PIP5K1B: variants seen among roughly 807,000 people sequenced by gnomAD.
PIP5K1B encodes the protein phosphatidylinositol-4-phosphate 5-kinase type 1 beta.
Under a neutral mutation model 67.0 loss-of-function variants are expected in PIP5K1B, and 42 were observed. The ratio of observed to expected loss-of-function variants is 0.63; its 90% CI spans 0.49 to 0.81. The LOEUF (loss-of-function observed/expected upper bound fraction) is 0.81. Ranked by LOEUF, PIP5K1B falls within the 30% of genes least tolerant of loss-of-function variation. The pLI, the probability that PIP5K1B is intolerant of heterozygous loss-of-function variation, is 0.00. For synonymous variants in PIP5K1B, 214 were observed against 231.4 expected (o/e 0.92, Z 0.68); for missense variants, 459 against 646.3 (o/e 0.71, Z 3.14).
intron 1 of PIP5K1B, among the ~76,000 whole-genome samples, chr9:68,710,404 C>T (rs1351181327): frequency 1.3e-5 from 2 of 152,086 alleles, no homozygotes; most frequent in Non-Finnish European, 2.9e-5. Flanking sequence ...CAACTTTAAA[C>T]TTAATTTATG....
chr9:68,953,683 G>GAC (rs1381381548), intron 14 of PIP5K1B, among the ~76,000 whole-genome samples: 1 of 151,912 alleles, frequency 6.6e-6, no homozygotes, highest in Non-Finnish European at 1.5e-5. Flanking sequence ...CAAGTGCAGT[G>GAC]ACACACCTGT....
intron 1 of PIP5K1B, among the ~76,000 whole-genome samples, chr9:68,708,525 T>C (rs1293769414): frequency 7.0e-6 from 1 of 143,414 alleles, no homozygotes. Flanking sequence ...ATCTATGTTA[T>C]GCTCTTTTGT....
At chr9:68,715,414 C>CT (rs1827586247) in intron 1 of PIP5K1B, among the ~76,000 whole-genome samples, 1 of 152,180 alleles carries the variant, frequency 6.6e-6, no homozygotes, top group African/African-American at 2.4e-5. Context: ...CTGAGCCACA[C>CT]TTGCAACTGC....
intron 11 of PIP5K1B, among the ~76,000 whole-genome samples, chr9:68,921,606 G>C (rs111757976): frequency 2.6e-5 from 4 of 151,928 alleles, no homozygotes; most frequent in African/African-American, 9.7e-5. Context: ...CCAACACTTT[G>C]GGGGGAGACC....
At chr9:68,986,257 T>C (rs2132923191) in intron 14 of PIP5K1B, among the ~76,000 whole-genome samples, 1 of 152,336 alleles carries the variant, frequency 6.6e-6, no homozygotes, top group South Asian at 2.1e-4. Flanking sequence ...ACAAGTTTAA[T>C]TTTTCTGATT....
At chr9:68,734,908 G>GC (rs1301427528) in intron 1 of PIP5K1B, among the ~76,000 whole-genome samples, 2 of 152,204 alleles carry the variant, frequency 1.3e-5, no homozygotes, top group East Asian at 3.8e-4. Context: ...ACTGGAAAAG[G>GC]CAATAGGAGG....
At chr9:68,764,710 T>C (rs954437981) in intron 2 of PIP5K1B, among the ~76,000 whole-genome samples, 1 of 152,106 alleles carries the variant, frequency 6.6e-6, no homozygotes, top group African/African-American at 2.4e-5. Flanking sequence ...GTAATAATGC[T>C]AGCAAAGACA....
intron 2 of PIP5K1B, among the ~76,000 whole-genome samples, chr9:68,773,441 T>C (rs2132429494): frequency 6.6e-6 from 1 of 152,324 alleles, no homozygotes; most frequent in South Asian, 2.1e-4. Flanking sequence ...TCTATTCTAT[T>C]CAAAAGACTT....
intron 4 of PIP5K1B, among the ~76,000 whole-genome samples, chr9:68,860,624 C>T (rs1222869929): frequency 6.6e-6 from 1 of 152,204 alleles, no homozygotes; most frequent in South Asian, 2.1e-4. Context: ...TTTGCAAACA[C>T]TGATATGGAG....
At chr9:68,829,088 C>A (rs1189852150) in intron 4 of PIP5K1B, among the ~76,000 whole-genome samples, 2 of 152,198 alleles carry the variant, frequency 1.3e-5, no homozygotes, top group African/African-American at 4.8e-5. Flanking sequence ...GGCGACAGAG[C>A]AAGACTCTGG....
At chr9:68,729,681 A>G (rs1435277542) in intron 1 of PIP5K1B, among the ~76,000 whole-genome samples, 1 of 152,194 alleles carries the variant, frequency 6.6e-6, no homozygotes, top group Non-Finnish European at 1.5e-5. Flanking sequence ...AAGGACCAAC[A>G]TAGACAAAAG....
chr9:68,950,235 C>A (rs1185169823), intron 14 of PIP5K1B, among the ~76,000 whole-genome samples: 5 of 152,168 alleles, frequency 3.3e-5, no homozygotes, highest in Admixed American at 2.6e-4. Context: ...AATTCTCTTT[C>A]AGATTCCTTG....
chr9:68,837,609 T>TTG (rs1554721804), intron 4 of PIP5K1B, among the ~76,000 whole-genome samples: 1 of 127,428 alleles, frequency 7.8e-6, no homozygotes, highest in Non-Finnish European at 1.7e-5. Context: ...TACTTTGTGT[T>TTG]TTTTTTTTTT....
intron 11 of PIP5K1B, among the ~76,000 whole-genome samples, chr9:68,922,735 T>G (rs1202597673): frequency 1.3e-5 from 2 of 152,208 alleles, no homozygotes; most frequent in Non-Finnish European, 2.9e-5. Flanking sequence ...AATTCAACTC[T>G]ATGCAATCAG....
intron 14 of PIP5K1B, among the ~76,000 whole-genome samples, chr9:68,975,754 A>G (rs551131384): frequency 3.9e-5 from 6 of 152,308 alleles, no homozygotes; most frequent in African/African-American, 1.2e-4. Context: ...CCTCTCTGCT[A>G]GCTTCTGGTG....
In PIP5K1B at chr9:68,772,081, G is replaced by A. The variant is rs1005089474; in HGVS notation, c.-86+29424G>A. 7.2e-5 allele frequency among the ~76,000 whole-genome samples: 11 copies of A among 152,270 alleles called. No homozygotes were observed. In the East Asian group the frequency reaches 1.9e-3, roughly 27 times the overall value. On this transcript the variant is annotated intron_variant, in intron 2 of 15. Coordinates refer to ENST00000265382, the MANE Select transcript of PIP5K1B (RefSeq NM_003558.4). The stretch of plus-strand genomic sequence containing the variant: ...TATCTTAAAGTGTCTTAGAGGCTAA[G>A]GAATTCTTGGCTGTGAAGTTGTCAC...
rs376878622 is a variant in PIP5K1B at position 68,970,762 on chromosome 9, C to G, written c.1503-20378C>G. On this transcript the variant is annotated intron_variant, in intron 14 of 15. Coordinates refer to ENST00000265382, the MANE Select transcript of PIP5K1B (RefSeq NM_003558.4). ...GCACCCCCTGCGATTTTTCTGGGGTCCCACCAGGATCTGTGGCTGCCTAAC... is the reference window on the plus strand; with the variant it reads ...GCACCCCCTGCGATTTTTCTGGGGTGCCACCAGGATCTGTGGCTGCCTAAC... 2.6e-5 allele frequency among the ~76,000 whole-genome samples: 4 copies of G among 152,280 alleles called. No individual in the cohort carries two copies. In the East Asian group the frequency reaches 7.7e-4, roughly 29 times the overall value.
chr9:68,802,547 T>C (rs79706221), intron 2 of PIP5K1B, among the ~76,000 whole-genome samples: 44 of 152,234 alleles, frequency 2.9e-4, no homozygotes, highest in African/African-American at 1.0e-3. Context: ...AGTCAGTAAG[T>C]GTCACAATAG....
chr9:68,818,039 G>T (rs1033604195), intron 2 of PIP5K1B, among the ~76,000 whole-genome samples: 1 of 152,168 alleles, frequency 6.6e-6, no homozygotes, highest in Non-Finnish European at 1.5e-5. Flanking sequence ...TTGAAAAATT[G>T]TCCACATGTC....
Sources: allele counts gnomAD v4.1 joint callset (sites outside exome capture counted in the v4.1 genomes callset), GRCh38; gene constraint gnomAD v4.1.1; transcripts MANE v1.5; gene names NCBI Gene and HGNC (gene_info 2026-07-23, HGNC 2026-07-21).